The following SPOCK3 variants were observed in gnomAD, a reference collection of about 807,000 sequenced individuals.
SPOCK3 encodes the protein testican-3.
In SPOCK3, 30 loss-of-function variants were observed where a neutral mutation model predicts 56.6. The ratio of observed to expected loss-of-function variants is 0.53; its 90% confidence interval spans 0.40 to 0.72. The LOEUF is 0.72. Ranked by LOEUF, SPOCK3 falls within the 30% of genes least tolerant of loss-of-function variation. The pLI is 0.00. For synonymous variants in SPOCK3, 196 were observed against 183.3 expected, an observed-to-expected ratio of 1.07 and a Z score of -0.56; for missense variants, 527 against 530.0, an observed-to-expected ratio of 0.99 and a Z score of 0.06.
At chr4:167,095,261 G>A (rs968629886) in intron 2 of SPOCK3, among the ~76,000 whole-genome samples, 1 of 151,866 alleles carries the variant, frequency 6.6e-6, no homozygotes, top group Non-Finnish European at 1.5e-5. Context: ...CATCACAGAT[G>A]GTTTTAATTC....
intron 2 of SPOCK3, among the ~76,000 whole-genome samples, chr4:167,070,100 G>C (rs1033431265): frequency 6.6e-6 from 1 of 151,872 alleles, no homozygotes. Flanking sequence ...TGGAAAAATA[G>C]GTCCTAGTCT....
chr4:166,745,500 G>A (rs548808015), intron 8 of SPOCK3, among the ~76,000 whole-genome samples: 1 of 152,308 alleles, frequency 6.6e-6, no homozygotes, highest in East Asian at 1.9e-4. Flanking sequence ...ACTAAACATG[G>A]AAAGGAACAA....
intron 2 of SPOCK3, among the ~76,000 whole-genome samples, chr4:167,145,223 G>A (rs1763846020): frequency 6.6e-6 from 1 of 152,036 alleles, no homozygotes; most frequent in African/African-American, 2.4e-5. Flanking sequence ...TAAAAGAAGA[G>A]GATTGCCATT....
At chr4:166,966,499 G>A (rs900802066) in intron 4 of SPOCK3, among the ~76,000 whole-genome samples, 3 of 151,970 alleles carry the variant, frequency 2.0e-5, no homozygotes, top group African/African-American at 7.3e-5. Context: ...ATTTCTTTAT[G>A]CAGATAATTC....
At chr4:167,056,663 A>G (rs1460277250) in intron 3 of SPOCK3, among the ~76,000 whole-genome samples, 2 of 152,240 alleles carry the variant, frequency 1.3e-5, no homozygotes. Flanking sequence ...AGCCAATGCG[A>G]TCAACTGGAA....
chr4:167,142,968 G>A (rs1230682579), intron 2 of SPOCK3, among the ~76,000 whole-genome samples: 3 of 151,940 alleles, frequency 2.0e-5, no homozygotes, highest in Admixed American at 6.6e-5. Context: ...GCCACTAGCT[G>A]AAGAATTAAT....
intron 2 of SPOCK3, among the ~76,000 whole-genome samples, chr4:167,111,363 C>CT (rs1016069976): frequency 2.6e-5 from 4 of 151,092 alleles, no homozygotes; most frequent in African/African-American, 7.3e-5. Flanking sequence ...ACAGTGATCA[C>CT]TTTTTTTTTC....
rs139201224 is a variant in SPOCK3, at chr4:166,766,636, G to T, written c.710-11907C>A. Among the ~76,000 whole-genome samples, 793 of 152,222 alleles carry T rather than the reference G, an allele frequency of 5.2e-3. 7 individuals are homozygous for T. The highest frequency in any genetic ancestry group is 0.018 in the African/African-American group (740 of 41,522). ...TGCATCAATGTTCATCAGCGATATT[G>T]GTCTAAAATTCTCTTTTTTTGCTGT... On this transcript the variant is annotated intron_variant, in intron 7 of 10. Transcript: ENST00000357545.
chr4:167,226,938 T>C (rs913182092), intron 2 of SPOCK3, among the ~76,000 whole-genome samples: 1 of 152,072 alleles, frequency 6.6e-6, no homozygotes, highest in Non-Finnish European at 1.5e-5. Flanking sequence ...AACCAACGCA[T>C]TGGCAGTTGT....
intron 2 of SPOCK3, among the ~76,000 whole-genome samples, chr4:167,221,451 T>TAAAATTAA (rs1735912039): frequency 5.9e-5 from 9 of 152,264 alleles, no homozygotes; most frequent in Admixed American, 5.9e-4. Context: ...GGTCAACTGT[T>TAAAATTAA]AATTTTAAAA....
chr4:166,737,750 T>A, intron 9 of SPOCK3, 146 bp from the exon 10 acceptor site: 2 of 846,334 alleles, frequency 2.4e-6, no homozygotes, highest in Non-Finnish European at 3.4e-6. Context: ...TAGATACCAG[T>A]GATGCCTTAG....
intron 6 of SPOCK3, among the ~76,000 whole-genome samples, chr4:166,862,416 T>G (rs1731329784): frequency 6.6e-6 from 1 of 152,102 alleles, no homozygotes. Flanking sequence ...GTCAAATTCA[T>G]GGGCTCATAC....
rs145029961 is a variant in SPOCK3, at chr4:166,888,241, A to G, written c.589+889T>C. On this transcript the variant is annotated intron_variant, in intron 6 of 10. Transcript: ENST00000357545. ...TACTCAATACGTTTTTCCTATTTGCATATCCATTCTTCACATTTTTTAGGA... is the reference window on the plus strand; with the variant it reads ...TACTCAATACGTTTTTCCTATTTGCGTATCCATTCTTCACATTTTTTAGGA... 2.4e-3 allele frequency among the ~76,000 whole-genome samples: 370 copies of G among 152,202 alleles called. 2 individuals are homozygous for G. The highest frequency in any genetic ancestry group is 8.2e-3 in the African/African-American group (340 of 41,560).
chr4:166,736,907 G>T (rs1387662343), intron 10 of SPOCK3, among the ~76,000 whole-genome samples: 3 of 151,976 alleles, frequency 2.0e-5, no homozygotes, highest in African/African-American at 4.8e-5. Flanking sequence ...CATAAAAAAT[G>T]CATGTTCCTA....
intron 2 of SPOCK3, among the ~76,000 whole-genome samples, chr4:167,217,150 T>G (rs1292307981): frequency 6.6e-6 from 1 of 152,118 alleles, no homozygotes; most frequent in Non-Finnish European, 1.5e-5. Context: ...TTAAAAAGAA[T>G]TAAACAAAAG....
chr4:167,085,556 C>G (rs765034081), intron 2 of SPOCK3, among the ~76,000 whole-genome samples: 8 of 152,016 alleles, frequency 5.3e-5, no homozygotes, highest in Non-Finnish European at 1.2e-4. Flanking sequence ...TGAGGGAGAG[C>G]CATGTGGCGA....
Position 166,734,804 on chromosome 4 carries a change from C to A in SPOCK3, c.*117G>T. On this transcript the variant is annotated 3_prime_UTR_variant, in exon 11 of 11. Coordinates refer to ENST00000357545, the MANE Select transcript of SPOCK3 (RefSeq NM_001040159.2). Reference sequence around the variant, plus strand: ...AGCTGCAATTTTTCAAATAATTATACAAAATATATGTGAGGTTTAGAATCA... The same window carrying A: ...AGCTGCAATTTTTCAAATAATTATAAAAAATATATGTGAGGTTTAGAATCA... 1 of 870,252 alleles carries A rather than the reference C, an allele frequency of 1.1e-6. No individual in the cohort carries two copies. Among genetic ancestry groups the A allele is most frequent in the South Asian group, 2.5e-5 (1 of 39,632 alleles). The allele number at this position is 870,252 out of a possible 1,614,324, so 53.9% of individuals were successfully genotyped here.
intron 2 of SPOCK3, among the ~76,000 whole-genome samples, chr4:167,134,349 C>T (rs1762944617): frequency 6.6e-6 from 1 of 151,820 alleles, no homozygotes; most frequent in Non-Finnish European, 1.5e-5. Flanking sequence ...GACTTGTACA[C>T]CTTTTATTTA....
At chr4:167,055,360 C>T (rs1754681379) in intron 3 of SPOCK3, among the ~76,000 whole-genome samples, 1 of 152,132 alleles carries the variant, frequency 6.6e-6, no homozygotes, top group African/African-American at 2.4e-5. Context: ...GTCTACAGCT[C>T]CCAGCGTGAG....
Sources: gnomAD v4.1 joint callset for allele counts (sites outside exome capture counted in the v4.1 genomes callset) on GRCh38, gnomAD v4.1.1 for gene constraint, MANE v1.5 for transcripts, NCBI Gene and HGNC (gene_info 2026-07-23, HGNC 2026-07-21) for gene names.